Variants in HEATR6 observed in about 807,000 individuals in gnomAD.
HEATR6 encodes HEAT repeat-containing protein 6.
Under a neutral mutation model 132.8 loss-of-function variants are expected in HEATR6, and 106 were observed. The ratio of observed to expected loss-of-function variants is 0.80; its 90% CI spans 0.68 to 0.94. The LOEUF is 0.94. Ranked by LOEUF, HEATR6 falls within the 40% of genes least tolerant of loss-of-function variation. The pLI, the probability that HEATR6 is intolerant of heterozygous loss-of-function variation, is 0.00. For synonymous variants in HEATR6, 529 were observed against 537.8 expected (o/e 0.98, Z 0.23); for missense variants, 1,339 against 1,425.1 (o/e 0.94, Z 0.97).
At chr17:60,061,870 C>G (rs1450331085) in intron 9 of HEATR6, among the ~76,000 whole-genome samples, 2 of 152,108 alleles carry the variant, frequency 1.3e-5, no homozygotes, top group Admixed American at 1.3e-4. Flanking sequence ...CTTTAGAAGA[C>G]AATTAAAAAT....
At chr17:60,071,087 G>A (rs1018338208) in intron 5 of HEATR6, among the ~76,000 whole-genome samples, 2 of 152,160 alleles carry the variant, frequency 1.3e-5, no homozygotes, top group African/African-American at 4.8e-5. Context: ...AAAAAAGAGA[G>A]AAGATGTTTA....
At chr17:60,060,197 A>C (rs1906887959) in intron 9 of HEATR6, 101 bp from the exon 10 acceptor site, 1 of 823,394 alleles carries the variant, frequency 1.2e-6, no homozygotes, top group Non-Finnish European at 1.9e-6. Context: ...CAATCATTTT[A>C]ATTGGAAGAA....
chr17:60,043,678 G>A lies in HEATR6; in HGVS notation c.3431C>T (p.Ala1144Val), dbSNP rs371805947. The change falls in exon 20 of 20, where the codon GCA becomes GTA. Residue 1144 changes from alanine to valine, a missense_variant. Ala to Val is a moderately conservative substitution (Grantham distance 64). Transcript: ENST00000184956. Reference sequence around the variant, plus strand: ...CCTTCTGGCTGTGTCTCCAGTTGGTGCCTGGATGCTGCCCATGTGTTTAAG... The same window carrying A: ...CCTTCTGGCTGTGTCTCCAGTTGGTACCTGGATGCTGCCCATGTGTTTAAG... ...MALKHMGSIQ[A>V]PTGDTARRAI... is the part of the protein sequence containing the mutation. 6.2e-7 allele frequency: 1 copy of A among 1,614,138 alleles called. No individual in the cohort carries two copies. The highest frequency in any genetic ancestry group is 8.5e-7 in the Non-Finnish European group (1 of 1,180,020).
intron 14 of HEATR6, among the ~76,000 whole-genome samples, chr17:60,053,861 A>C (rs990781580): frequency 6.6e-6 from 1 of 152,194 alleles, no homozygotes; most frequent in South Asian, 2.1e-4. Context: ...TTAAAGTTGG[A>C]ACTTATCATT....
At position 60,067,727 on chromosome 17, in the gene HEATR6, T is replaced by C. The variant is rs183346820; in HGVS notation, c.945A>G (p.Lys315=). The change falls in exon 8 of 20, where the codon AAA becomes AAG. Residue 315 remains lysine, a synonymous_variant. Coordinates refer to ENST00000184956, the MANE Select transcript of HEATR6 (RefSeq NM_022070.5). The part of the protein sequence containing the change: ...ESSASRPTLN[K]KKKSKVKPKK... Reference sequence around the variant, plus strand: ...TTGGTTTTACTTTGGATTTTTTCTTTTTATTCTGATTGTGGGAGCAAATGA... The same window carrying C: ...TTGGTTTTACTTTGGATTTTTTCTTCTTATTCTGATTGTGGGAGCAAATGA... The C allele has an allele frequency of 2.5e-6, 4 of 1,610,688 alleles. No individual in the cohort carries two copies. The South Asian group carries it at 3.3e-5, about 13-fold the overall frequency.
At position 60,073,147 on chromosome 17, in the gene HEATR6, T is replaced by G; in HGVS notation, c.584+17A>C. The G allele has an allele frequency of 6.8e-7, 1 of 1,466,496 alleles. No homozygotes were observed. 90.8% of individuals were successfully genotyped at this position (1,466,496 alleles called of 1,614,324 possible). A position where few individuals can be genotyped will look rare whatever the true frequency, so the allele number is the denominator to read the frequency against. On this transcript the variant is annotated intron_variant, in intron 4 of 19. Transcript: ENST00000184956. ...ACTATCTTATTACCATTGAGAAACT[T>G]GACTGGAGCCACATACCTGAGACAT...
At chr17:60,048,426 G>A (rs770605929) in intron 16 of HEATR6, 38 bp from the exon 17 acceptor site, 1 of 1,553,344 alleles carries the variant, frequency 6.4e-7, no homozygotes, top group South Asian at 1.2e-5. Flanking sequence ...TACTTTAGCA[G>A]GTCATGCTGC....
At chr17:60,068,768 T>C (rs2083255270) in intron 7 of HEATR6, among the ~76,000 whole-genome samples, 1 of 152,096 alleles carries the variant, frequency 6.6e-6, no homozygotes, top group South Asian at 2.1e-4. Flanking sequence ...CTGAAATCTC[T>C]GTTTAGCTAC....
chr17:60,049,850 G>T, intron 15 of HEATR6, 148 bp from the exon 16 acceptor site: 1 of 810,412 alleles, frequency 1.2e-6, no homozygotes, highest in Non-Finnish European at 1.9e-6. Flanking sequence ...GTAAAAAGCA[G>T]GTTCAATTCA....
chr17:60,049,754 C>T, intron 15 of HEATR6, 52 bp from the exon 16 acceptor site: 1 of 1,584,096 alleles, frequency 6.3e-7, no homozygotes, highest in Non-Finnish European at 8.6e-7. Flanking sequence ...AACTACAAGC[C>T]AAAGGCTTCC....
intron 6 of HEATR6, among the ~76,000 whole-genome samples, chr17:60,070,123 A>G (rs980309111): frequency 2.6e-5 from 4 of 152,224 alleles, no homozygotes; most frequent in Non-Finnish European, 4.4e-5. Context: ...ATTTATTTAT[A>G]AAATTTATCC....
Position 60,049,717 on chromosome 17 carries a change from T to C in HEATR6, c.2425-15A>G, listed in dbSNP as rs376869753. 5.5e-5 allele frequency: 89 copies of C among 1,610,992 alleles called. No individual in the cohort carries two copies. Among genetic ancestry groups the C allele is most frequent in the South Asian group, 1.9e-4 (17 of 91,012 alleles). On this transcript the variant is annotated splice_polypyrimidine_tract_variant and intron_variant, in intron 15 of 19. Transcript: ENST00000184956. Reference sequence around the variant, plus strand: ...TGCCTGTCATTCTGCAATGAGAAGGTTGACAAGGGAAAAATGAGAATGAAA... The same window carrying C: ...TGCCTGTCATTCTGCAATGAGAAGGCTGACAAGGGAAAAATGAGAATGAAA...
intron 12 of HEATR6, 73 bp from the exon 13 acceptor site, chr17:60,056,310 T>C: frequency 7.0e-7 from 1 of 1,431,256 alleles, no homozygotes; most frequent in African/African-American, 1.4e-5. Flanking sequence ...AGTGTTACAA[T>C]ATTTCAGAAA....
At chr17:60,054,277 A>G (rs573984592) in intron 14 of HEATR6, among the ~76,000 whole-genome samples, 5 of 152,238 alleles carry the variant, frequency 3.3e-5, no homozygotes, top group Non-Finnish European at 4.4e-5. Flanking sequence ...TCAAATGCGA[A>G]GAAGGCTTGG....
intron 16 of HEATR6, among the ~76,000 whole-genome samples, chr17:60,048,975 A>AACGTGTGTG (rs561131622): frequency 4.7e-5 from 3 of 63,846 alleles, no homozygotes; most frequent in East Asian, 4.8e-4. Flanking sequence ...TAAATAACAT[A>AACGTGTGTG]TATATATAAT....
At chr17:60,047,583 A>G (rs545611749) in intron 17 of HEATR6, among the ~76,000 whole-genome samples, 178 bp from the exon 18 acceptor site, 1 of 145,576 alleles carries the variant, frequency 6.9e-6, no homozygotes, top group East Asian at 1.9e-4. Context: ...TTCCCCACAT[A>G]GGAATGTCTC....
At chr17:60,076,354 T>C in intron 1 of HEATR6, 117 bp from the exon 2 acceptor site, 1 of 606,860 alleles carries the variant, frequency 1.6e-6, no homozygotes, top group Non-Finnish European at 2.9e-6. Context: ...GGAAAGAAAA[T>C]GTGAGGCAGG....
At chr17:60,066,417 A>G (rs781409287) in intron 8 of HEATR6, 31 bp from the exon 9 acceptor site, 48 of 1,492,764 alleles carry the variant, frequency 3.2e-5, no homozygotes, top group Non-Finnish European at 4.3e-5. Flanking sequence ...AAGAAAAAAC[A>G]CTTAAAAAAT....
chr17:60,054,181 G>T (rs1906668515), intron 14 of HEATR6, among the ~76,000 whole-genome samples: 1 of 152,232 alleles, frequency 6.6e-6, no homozygotes, highest in East Asian at 1.9e-4. Context: ...AAGGGCCCCA[G>T]ATACTGCTCG....
Sources: allele counts gnomAD v4.1 joint callset (sites outside exome capture counted in the v4.1 genomes callset), GRCh38; gene constraint gnomAD v4.1.1; transcripts MANE v1.5; gene names NCBI Gene and HGNC (gene_info 2026-07-23, HGNC 2026-07-21).